RAB30: variants seen among roughly 807,000 people sequenced by gnomAD.
RAB30 encodes ras-related protein Rab-30.
A neutral mutation model predicts 25.1 loss-of-function variants in RAB30; 9 were observed. The ratio of observed to expected loss-of-function variants is 0.36; its 90% CI spans 0.22 to 0.63. The LOEUF (loss-of-function observed/expected upper bound fraction) is 0.63. RAB30 is among the 20% of genes least tolerant of loss of function. RAB30 has a pLI of 0.69. For missense variants in RAB30, 140 were observed against 243.5 expected (o/e 0.58, Z 2.83); for synonymous variants, 77 against 86.4 (o/e 0.89, Z 0.60).
In RAB30 at chr11:82,973,868, A is replaced by G. The variant is rs1856496769; in HGVS notation, c.*8297T>C. 1 of 152,246 alleles carries G rather than the reference A, an allele frequency of 6.6e-6. No homozygotes were observed. The highest frequency in any genetic ancestry group is 6.5e-5 in the Admixed American group (1 of 15,284). The allele number at this position is 152,246 out of a possible 1,614,324, so 9.4% of individuals were successfully genotyped here. On this transcript the variant is annotated 3_prime_UTR_variant, in exon 5 of 5. Coordinates refer to ENST00000527633, the MANE Select transcript of RAB30 (RefSeq NM_001286060.2). ...TGGAAAAAACCCAAATGTCCATCAA[A>G]TGATAAATGGACAAATAAAATGTGG... is the stretch of plus-strand genomic sequence containing the variant.
At chr11:83,028,209 C>T (rs956498225) in intron 1 of RAB30, among the ~76,000 whole-genome samples, 23 of 152,156 alleles carry the variant, frequency 1.5e-4, no homozygotes, top group Admixed American at 1.1e-3. Context: ...AGCTCTTAGA[C>T]ATTGACAACA....
At chr11:83,012,295 C>G (rs76753210) in intron 1 of RAB30, among the ~76,000 whole-genome samples, 9 of 152,242 alleles carry the variant, frequency 5.9e-5, no homozygotes, top group Non-Finnish European at 8.8e-5. Flanking sequence ...AGATGCAATG[C>G]GACTCCACTG....
At chr11:82,990,941 T>C (rs1468827523) in intron 3 of RAB30, among the ~76,000 whole-genome samples, 1 of 152,102 alleles carries the variant, frequency 6.6e-6, no homozygotes, top group Non-Finnish European at 1.5e-5. Context: ...GATTTGGCGC[T>C]TACTTGGCCT....
At chr11:83,032,205 C>T (rs1027706871) in intron 1 of RAB30, among the ~76,000 whole-genome samples, 4 of 152,188 alleles carry the variant, frequency 2.6e-5, no homozygotes, top group African/African-American at 4.8e-5. Context: ...TTTAAACCCC[C>T]TGGGAATCTA....
intron 1 of RAB30, among the ~76,000 whole-genome samples, chr11:83,027,889 T>C (rs1857762840): frequency 6.6e-6 from 1 of 152,182 alleles, no homozygotes; most frequent in Admixed American, 6.5e-5. Context: ...TTCATATAAA[T>C]GAAATCCTAC....
chr11:82,985,503 C>G (rs1204508162), intron 4 of RAB30, among the ~76,000 whole-genome samples: 1 of 151,974 alleles, frequency 6.6e-6, no homozygotes, highest in Non-Finnish European at 1.5e-5. Flanking sequence ...GGCCTCTAGA[C>G]TTATCTATAA....
chr11:83,024,030 A>G (rs1340091785), intron 1 of RAB30, among the ~76,000 whole-genome samples: 2 of 151,688 alleles, frequency 1.3e-5, no homozygotes, highest in African/African-American at 4.8e-5. Context: ...AAGACTATCT[A>G]CTCCATATCC....
intron 1 of RAB30, among the ~76,000 whole-genome samples, chr11:82,998,451 G>A (rs1035860967): frequency 4.6e-5 from 7 of 151,710 alleles, no homozygotes; most frequent in African/African-American, 1.2e-4. Flanking sequence ...AGGAGGCTGA[G>A]GCACAAGAAT....
chr11:82,982,056 G>T lies in RAB30; in HGVS notation c.*109C>A. The T allele has an allele frequency of 6.9e-7, 1 of 1,459,026 alleles. No homozygotes were observed. The highest frequency in any genetic ancestry group is 9.4e-7 in the Non-Finnish European group (1 of 1,067,226). 90.4% of individuals were successfully genotyped at this position (1,459,026 alleles called of 1,614,324 possible). ...TGCTTTGTAAGCTCAGGAGCCCACA[G>T]GAGTCAGAAGGTCAGAGAGCGGGAG... On this transcript the variant is annotated 3_prime_UTR_variant, in exon 5 of 5. Coordinates refer to ENST00000527633, the MANE Select transcript of RAB30 (RefSeq NM_001286060.2).
intron 1 of RAB30, among the ~76,000 whole-genome samples, chr11:83,031,531 T>C (rs1458457846): frequency 2.4e-5 from 2 of 82,668 alleles, no homozygotes; most frequent in East Asian, 5.1e-4. Context: ...TCTTTTTTTT[T>C]CTTTTTTTTT....
chr11:83,038,083 TTA>T (rs1858025808), intron 1 of RAB30, among the ~76,000 whole-genome samples: 1 of 151,928 alleles, frequency 6.6e-6, no homozygotes, highest in African/African-American at 2.4e-5. Flanking sequence ...GACTGGAGGG[TTA>T]GAGAGAGAAT....
At chr11:83,023,188 T>C (rs943067652) in intron 1 of RAB30, among the ~76,000 whole-genome samples, 9 of 152,198 alleles carry the variant, frequency 5.9e-5, no homozygotes, top group East Asian at 5.8e-4. Flanking sequence ...CTTTACCCAA[T>C]AGATTTGTTC....
chr11:83,062,444 A>G (rs1005980162), intron 1 of RAB30, among the ~76,000 whole-genome samples: 11 of 152,232 alleles, frequency 7.2e-5, no homozygotes, highest in African/African-American at 2.7e-4. Flanking sequence ...TACCCAGCAC[A>G]GGACCTTGCA....
chr11:83,013,037 T>A (rs974001494), intron 1 of RAB30, among the ~76,000 whole-genome samples: 3 of 152,200 alleles, frequency 2.0e-5, no homozygotes, highest in African/African-American at 7.2e-5. Context: ...TCCTCTATGT[T>A]CTGCAGAGTT....
intron 1 of RAB30, among the ~76,000 whole-genome samples, chr11:83,007,590 T>C (rs905545750): frequency 6.6e-6 from 1 of 152,148 alleles, no homozygotes; most frequent in Non-Finnish European, 1.5e-5. Flanking sequence ...TCTGCCATAG[T>C]GAGAAGCTGG....
At chr11:83,012,991 C>A (rs1590852165) in intron 1 of RAB30, among the ~76,000 whole-genome samples, 1 of 152,188 alleles carries the variant, frequency 6.6e-6, no homozygotes, top group Non-Finnish European at 1.5e-5. Context: ...CATACCCCCA[C>A]CCTCCCTGTG....
At chr11:82,992,891 C>T (rs533652225) in intron 3 of RAB30, among the ~76,000 whole-genome samples, 1 of 152,258 alleles carries the variant, frequency 6.6e-6, no homozygotes, top group South Asian at 2.1e-4. Flanking sequence ...GGACTACAGG[C>T]GCATGCCACC....
rs1856552062 is a variant in RAB30, at chr11:82,976,730, CAAAA to C, written c.*5431_*5434del. The C allele has an allele frequency of 6.6e-6, 1 of 151,984 alleles. No individual in the cohort carries two copies. The highest frequency in any genetic ancestry group is 6.6e-5 in the Admixed American group (1 of 15,250). 9.4% of individuals were successfully genotyped at this position (151,984 alleles called of 1,614,324 possible). On this transcript the variant is annotated 3_prime_UTR_variant, in exon 5 of 5. Coordinates refer to ENST00000527633, the MANE Select transcript of RAB30 (RefSeq NM_001286060.2). ...AGACCAATGACTTAAAAAAACAAAA[CAAAA>C]CCATAAAAAAAGACCAATGAAGAGC...
intron 4 of RAB30, among the ~76,000 whole-genome samples, chr11:82,983,928 AATT>A (rs1257241254): frequency 6.6e-6 from 1 of 152,178 alleles, no homozygotes; most frequent in East Asian, 1.9e-4. Context: ...GCAAATGAGT[AATT>A]ATGCTGGTAC....
Sources: gnomAD v4.1 joint callset for allele counts (sites outside exome capture counted in the v4.1 genomes callset) on GRCh38, gnomAD v4.1.1 for gene constraint, MANE v1.5 for transcripts, NCBI Gene and HGNC (gene_info 2026-07-23, HGNC 2026-07-21) for gene names.